TUT4: variants seen among roughly 807,000 people sequenced by gnomAD.
TUT4 encodes the protein terminal uridylyl transferase 4.
TUT4 carries 36 observed loss-of-function variants against 192.2 expected under a neutral mutation model. That is an observed-to-expected ratio of 0.19 (90% CI 0.14 to 0.25). The LOEUF (loss-of-function observed/expected upper bound fraction) is 0.25, where lower values mean the gene tolerates loss of function less well. Among genes scored for constraint, TUT4 ranks in the 10% least tolerant of loss-of-function variants. The probability of loss-of-function intolerance (pLI) is 1.00; values close to 1 mark genes in which losing one functional copy is unlikely to be tolerated. For synonymous variants in TUT4, 618 were observed against 666.0 expected, an observed-to-expected ratio of 0.93 and a Z score of 1.11; for missense variants, 1,493 against 1,957.2, an observed-to-expected ratio of 0.76 and a Z score of 4.47.
intron 20 of TUT4, among the ~76,000 whole-genome samples, chr1:52,452,085 AG>A (rs1659597845): frequency 1.3e-5 from 2 of 151,700 alleles, no homozygotes; most frequent in Admixed American, 6.6e-5. Context: ...CAGAAGCAGA[AG>A]GAACACTTCC....
chr1:52,518,210 G>A (rs1679224498), intron 2 of TUT4, among the ~76,000 whole-genome samples: 1 of 152,184 alleles, frequency 6.6e-6, no homozygotes, highest in African/African-American at 2.4e-5. Context: ...TCTGATGAAT[G>A]GATAAACAAA....
chr1:52,535,400 C>T (rs1320758686), intron 1 of TUT4, among the ~76,000 whole-genome samples: 1 of 152,124 alleles, frequency 6.6e-6, no homozygotes, highest in Admixed American at 6.6e-5. Flanking sequence ...TTTCACAGCA[C>T]TCTGATCTTG....
rs1184315534 is a variant in TUT4 at position 52,472,108 on chromosome 1, C to T, written c.2728-6G>A. 2 of 1,610,780 alleles carry T rather than the reference C, an allele frequency of 1.2e-6. No homozygotes were observed. The highest frequency in any genetic ancestry group is 1.3e-5 in the African/African-American group (1 of 74,702). ...CTGCATACTATCGTTGGTGGCTACA[C>T]AAAGATAAAAAGAAATCTAATCTAA... On this transcript the variant is annotated splice_region_variant and splice_polypyrimidine_tract_variant and intron_variant, in intron 13 of 29. Coordinates refer to ENST00000257177, the MANE Select transcript of TUT4 (RefSeq NM_001009881.3).
At chr1:52,433,838 C>T (rs1404014359) in intron 27 of TUT4, 2 of 152,054 alleles carry the variant, frequency 1.3e-5, no homozygotes, top group Non-Finnish European at 2.9e-5. Flanking sequence ...AACATATAAC[C>T]ACCAAGTTCA....
intron 3 of TUT4, among the ~76,000 whole-genome samples, chr1:52,512,424 G>A (rs1165782794): frequency 6.6e-6 from 1 of 152,160 alleles, no homozygotes; most frequent in African/African-American, 2.4e-5. Flanking sequence ...GATGTTTAAA[G>A]AATTTAAATA....
At chr1:52,514,486 G>A (rs1678161532) in intron 3 of TUT4, among the ~76,000 whole-genome samples, 1 of 152,002 alleles carries the variant, frequency 6.6e-6, no homozygotes, top group South Asian at 2.1e-4. Context: ...TTGCAAAAAA[G>A]ACTTCCTTTT....
intron 29 of TUT4, chr1:52,424,220 G>A (rs1649025560): frequency 5.9e-6 from 3 of 506,110 alleles, no homozygotes; most frequent in South Asian, 5.0e-5. Context: ...ATGGAGAGGA[G>A]GAATCAAAGG....
In TUT4 at chr1:52,481,475, T is replaced by C. The variant is rs915213046; in HGVS notation, c.1796A>G (p.Lys599Arg). 10 of 1,613,954 alleles carry C rather than the reference T, an allele frequency of 6.2e-6. No individual in the cohort carries two copies. The highest frequency in any genetic ancestry group is 4.0e-5 in the African/African-American group (3 of 74,944). ...ACTTTGGTTGTCTGTTTCTGTCTTC[T>C]TGGTATCATCTTTTGGTTGGTCTGC... Reference protein sequence around the residue: ...AKADQPKDDTKKTETDNQSNA... With the variant: ...AKADQPKDDTRKTETDNQSNA... The change falls in exon 11 of 30, where the codon AAG becomes AGG. Residue 599 changes from lysine (K) to arginine (R), a missense_variant. This residue lies in a region of TUT4 where 437 missense variants were observed against 577.6 expected (regional missense o/e 0.76). Transcript: ENST00000257177.
At chr1:52,543,149 G>A (rs1687176673) in intron 1 of TUT4, among the ~76,000 whole-genome samples, 2 of 152,100 alleles carry the variant, frequency 1.3e-5, no homozygotes. Context: ...AAAAGAAGAA[G>A]TAAAATTATC....
rs1409394109 is a variant in TUT4, at chr1:52,477,853, C to T, written c.1878G>A (p.Arg626=). Residue 626 remains arginine (R), a synonymous_variant, in exon 12 of 30, where the codon CGG becomes CGA. Transcript: ENST00000257177. ...KSPLALETPN[R]VSLGQLWLEL... ...CTAACCATAACTGTCCCAAGGATAC[C>T]CGATTTGGTGTTTCCAATGCTAAAG... is the stretch of plus-strand genomic sequence containing the variant. 6.8e-6 allele frequency: 11 copies of T among 1,609,982 alleles called. No individual in the cohort carries two copies. The highest frequency in any genetic ancestry group is 9.3e-6 in the Non-Finnish European group (11 of 1,178,452).
At chr1:52,493,781 A>T in intron 6 of TUT4, 119 bp from the exon 7 acceptor site, 1 of 699,004 alleles carries the variant, frequency 1.4e-6, no homozygotes, top group East Asian at 2.9e-5. Context: ...TTTGTGTTTT[A>T]AATAGTGAAA....
chr1:52,471,306 C>T (rs754324331), intron 14 of TUT4, among the ~76,000 whole-genome samples: 21 of 152,134 alleles, frequency 1.4e-4, no homozygotes, highest in Admixed American at 9.2e-4. Context: ...TGGGCCACTG[C>T]GCCCGGCCAC....
At chr1:52,465,015 T>C (rs896348353) in intron 16 of TUT4, 55 bp downstream of exon 16, 6 of 1,368,226 alleles carry the variant, frequency 4.4e-6, no homozygotes, top group African/African-American at 3.0e-5. Flanking sequence ...AAAATAAACA[T>C]AGAATCGTCA....
In TUT4 at chr1:52,482,963, A is replaced by ATATAT; in HGVS notation, c.1516-1045_1516-1041dup. Among the ~76,000 whole-genome samples the ATATAT allele has an allele frequency of 1.3e-5, 2 of 152,322 alleles. 1 individual carries two copies. Among genetic ancestry groups the ATATAT allele is most frequent in the East Asian group, 3.9e-4 (2 of 5,192 alleles). On this transcript the variant is annotated intron_variant, in intron 9 of 29. Coordinates refer to ENST00000257177, the MANE Select transcript of TUT4 (RefSeq NM_001009881.3). ...ATGAGTGATATATTTTAATCTTAAA[A>ATATAT]TATATTGTTAAGAATCGTTTTTCCA...
At chr1:52,501,680 C>A (rs1176213025) in intron 4 of TUT4, among the ~76,000 whole-genome samples, 2 of 152,094 alleles carry the variant, frequency 1.3e-5, no homozygotes, top group Non-Finnish European at 2.9e-5. Flanking sequence ...CAACATTATT[C>A]ACAACAGTCA....
chr1:52,437,106 G>C, intron 25 of TUT4, 128 bp from the exon 26 acceptor site: 1 of 1,336,832 alleles, frequency 7.5e-7, no homozygotes, highest in East Asian at 2.5e-5. Context: ...GAAGGCAAGG[G>C]AACAAACATT....
At chr1:52,551,412 TTTC>T (rs1689395902) in intron 1 of TUT4, among the ~76,000 whole-genome samples, 2 of 152,086 alleles carry the variant, frequency 1.3e-5, no homozygotes, top group African/African-American at 4.8e-5. Flanking sequence ...TAAAAGTAAG[TTTC>T]TTTTGTTTAT....
At chr1:52,532,954 C>T (rs1396795870) in intron 1 of TUT4, among the ~76,000 whole-genome samples, 2 of 152,200 alleles carry the variant, frequency 1.3e-5, no homozygotes, top group African/African-American at 4.8e-5. Flanking sequence ...TTTTCAACTG[C>T]CCCGCTTCAA....
chr1:52,429,985 C>G (rs1312245120), intron 28 of TUT4, among the ~76,000 whole-genome samples: 2 of 150,970 alleles, frequency 1.3e-5, no homozygotes, highest in Non-Finnish European at 2.9e-5. Context: ...GGATGTAAAA[C>G]TAGATTTATA....
Sources: allele counts gnomAD v4.1 joint callset (sites outside exome capture counted in the v4.1 genomes callset), GRCh38; gene constraint gnomAD v4.1.1; regional missense constraint gnomAD v4.1.1; transcripts MANE v1.5; gene names NCBI Gene and HGNC (gene_info 2026-07-23, HGNC 2026-07-21).